Variants in ATP8A1 observed in about 807,000 individuals in gnomAD.
The protein encoded by ATP8A1 is phospholipid-transporting ATPase IA.
ATP8A1 carries 90 observed loss-of-function variants against 177.7 expected under a neutral mutation model. That is an observed-to-expected ratio of 0.51 (90% confidence interval 0.43 to 0.60). The LOEUF (loss-of-function observed/expected upper bound fraction) is 0.60, where lower values mean the gene tolerates loss of function less well. ATP8A1 is among the 20% of genes least tolerant of loss of function. ATP8A1 has a pLI of 0.00. For synonymous variants in ATP8A1, 493 were observed against 485.9 expected (o/e 1.01, Z -0.19); for missense variants, 1,072 against 1,392.8 (o/e 0.77, Z 3.67).
intron 8 of ATP8A1, among the ~76,000 whole-genome samples, chr4:42,587,981 T>C (rs919897326): frequency 6.6e-6 from 1 of 152,174 alleles, no homozygotes; most frequent in Admixed American, 6.5e-5. Flanking sequence ...TTAAAACATA[T>C]CAAAGCACTT....
At chr4:42,623,130 C>T (rs1003436510) in intron 4 of ATP8A1, among the ~76,000 whole-genome samples, 1 of 151,532 alleles carries the variant, frequency 6.6e-6, no homozygotes, top group African/African-American at 2.4e-5. Context: ...AAATGCAAAC[C>T]AAAACCACAA....
In ATP8A1 at chr4:42,623,480, G is replaced by A. The variant is rs548229515; in HGVS notation, c.363+1056C>T. On this transcript the variant is annotated intron_variant, in intron 4 of 36. Coordinates refer to ENST00000381668, the MANE Select transcript of ATP8A1 (RefSeq NM_006095.2). ...CAATGATAGACTGGATAAACAAAAC[G>A]CGGTACATATACACCACGGAATACT... Among the ~76,000 whole-genome samples the A allele has an allele frequency of 3.0e-4, 45 of 152,134 alleles. 1 individual carries two copies. Among genetic ancestry groups the A allele is most frequent in the Admixed American group, 2.4e-3 (36 of 15,262 alleles).
chr4:42,643,958 T>C, intron 1 of ATP8A1, among the ~76,000 whole-genome samples: 1 of 152,292 alleles, frequency 6.6e-6, no homozygotes, highest in East Asian at 1.9e-4. Context: ...GCTTCAAGCG[T>C]AGTTATGTCA....
In ATP8A1 at chr4:42,555,839, T is replaced by G. The variant is rs1730173065; in HGVS notation, c.1413+129A>C. 16 of 671,432 alleles carry G rather than the reference T, an allele frequency of 2.4e-5. No individual in the cohort carries two copies. In the South Asian group the frequency reaches 3.8e-4, roughly 16 times the overall value. The allele number at this position is 671,432 out of a possible 1,614,324, so 41.6% of individuals were successfully genotyped here. ...ACTCTGTCTCAAATAACTAACTAAC[T>G]AACTAAATAAATAAATAAAAGATCA... On this transcript the variant is annotated intron_variant, in intron 16 of 36. Coordinates refer to ENST00000381668, the MANE Select transcript of ATP8A1 (RefSeq NM_006095.2).
At chr4:42,555,466 A>G (rs937082415) in intron 16 of ATP8A1, among the ~76,000 whole-genome samples, 2 of 152,196 alleles carry the variant, frequency 1.3e-5, no homozygotes, top group African/African-American at 4.8e-5. Context: ...AATCAAATTA[A>G]TAACCACCAT....
At chr4:42,635,782 C>CATATATGTATATATAT in intron 1 of ATP8A1, among the ~76,000 whole-genome samples, 1 of 51,992 alleles carries the variant, frequency 1.9e-5, no homozygotes, top group South Asian at 8.4e-4. Flanking sequence ...CACACACACA[C>CATATATGTATATATAT]ATATATATAT....
At chr4:42,431,581 G>GATT (rs1715309813) in intron 33 of ATP8A1, among the ~76,000 whole-genome samples, 1 of 151,956 alleles carries the variant, frequency 6.6e-6, no homozygotes, top group African/African-American at 2.4e-5. Flanking sequence ...TAAAGATTTA[G>GATT]GCCCTTTCCA....
At chr4:42,500,000 G>A (rs1330673710) in intron 24 of ATP8A1, among the ~76,000 whole-genome samples, 1 of 152,244 alleles carries the variant, frequency 6.6e-6, no homozygotes, top group East Asian at 1.9e-4. Context: ...GGGCATTGCT[G>A]TGGAGTTAGA....
chr4:42,639,746 A>C (rs1266472617), intron 1 of ATP8A1, among the ~76,000 whole-genome samples: 1 of 152,210 alleles, frequency 6.6e-6, no homozygotes, highest in East Asian at 1.9e-4. Context: ...TGAATGAGAG[A>C]GGAACTAAAA....
At chr4:42,625,545 G>A (rs557939534) in intron 3 of ATP8A1, 69 bp downstream of exon 3, 2 of 1,024,354 alleles carry the variant, frequency 2.0e-6, no homozygotes, top group African/African-American at 3.3e-5. Flanking sequence ...TAAACCTCAG[G>A]GGATTGGTCA....
intron 1 of ATP8A1, among the ~76,000 whole-genome samples, chr4:42,629,821 T>G (rs79862463): frequency 0.048 from 7,346 of 152,274 alleles, 250 homozygotes; most frequent in Middle Eastern, 0.085. Context: ...TTTGTAACCA[T>G]TATAATTAAA....
At position 42,547,251 on chromosome 4, in the gene ATP8A1, CT is replaced by C. The variant is rs1332699813; in HGVS notation, c.1652+1761del. Among the ~76,000 whole-genome samples, 3 of 152,322 alleles carry C rather than the reference CT, an allele frequency of 2.0e-5. No individual in the cohort carries two copies. The East Asian group carries it at 5.8e-4, about 29-fold the overall frequency. On this transcript the variant is annotated intron_variant, in intron 19 of 36. Coordinates refer to ENST00000381668, the MANE Select transcript of ATP8A1 (RefSeq NM_006095.2). ...TTGTTCATGCCAGAGACCCTCACCC[CT>C]TCCTCGTTTCGCCTTCTACTGCCAA...
chr4:42,575,808 T>A, intron 12 of ATP8A1, 109 bp from the exon 13 acceptor site: 1 of 901,464 alleles, frequency 1.1e-6, no homozygotes, highest in Non-Finnish European at 1.8e-6. Context: ...CACTGTTTGA[T>A]GAACTATATG....
intron 35 of ATP8A1, 112 bp from the exon 36 acceptor site, chr4:42,414,830 TC>T (rs1260041663): frequency 1.3e-6 from 1 of 774,580 alleles, no homozygotes; most frequent in Non-Finnish European, 2.3e-6. Context: ...GCTCGAGAAA[TC>T]CGTAGCCTAG....
At chr4:42,504,051 C>T (rs970431468) in intron 23 of ATP8A1, among the ~76,000 whole-genome samples, 1 of 152,168 alleles carries the variant, frequency 6.6e-6, no homozygotes, top group Non-Finnish European at 1.5e-5. Context: ...CTACTCTGTA[C>T]CTGTTTGCTA....
intron 22 of ATP8A1, among the ~76,000 whole-genome samples, chr4:42,520,104 G>A (rs777338258): frequency 2.6e-5 from 4 of 152,110 alleles, no homozygotes; most frequent in Non-Finnish European, 5.9e-5. Flanking sequence ...AAACAAAACT[G>A]TTAAACCTAG....
At chr4:42,650,021 C>G (rs1279793811) in intron 1 of ATP8A1, among the ~76,000 whole-genome samples, 1 of 152,158 alleles carries the variant, frequency 6.6e-6, no homozygotes, top group Non-Finnish European at 1.5e-5. Context: ...AAAGTGGTGG[C>G]CTTCATGTCA....
chr4:42,433,632 CCAAACAAACAAA>C (rs113747755), intron 33 of ATP8A1, among the ~76,000 whole-genome samples: 2 of 151,640 alleles, frequency 1.3e-5, no homozygotes, highest in Admixed American at 6.6e-5. Context: ...TTGGGTTATC[CCAAACAAACAAA>C]CAAACAAACA....
intron 1 of ATP8A1, among the ~76,000 whole-genome samples, chr4:42,645,525 T>C (rs962098889): frequency 2.0e-5 from 3 of 152,204 alleles, no homozygotes; most frequent in African/African-American, 7.2e-5. Flanking sequence ...CCTATCCCTA[T>C]AGAACAGACC....
Sources: gnomAD v4.1 joint callset for allele counts (sites outside exome capture counted in the v4.1 genomes callset) on GRCh38, gnomAD v4.1.1 for gene constraint, MANE v1.5 for transcripts, NCBI Gene and HGNC (gene_info 2026-07-23, HGNC 2026-07-21) for gene names.